Variants in MROH2B observed in about 807,000 individuals in gnomAD.
The protein encoded by MROH2B is maestro heat-like repeat-containing protein family member 2B.
Under a neutral mutation model 208.6 loss-of-function variants are expected in MROH2B, and 177 were observed. The observed-to-expected ratio is 0.85, with a 90% CI of 0.75 to 0.96. MROH2B has a LOEUF of 0.96. MROH2B is among the 40% of genes least tolerant of loss of function. The probability of loss-of-function intolerance (pLI) is 0.00; values close to 1 mark genes in which losing one functional copy is unlikely to be tolerated. For synonymous variants in MROH2B, 728 were observed against 659.0 expected, an observed-to-expected ratio of 1.10 and a Z score of -1.60; for missense variants, 2,002 against 1,878.7, an observed-to-expected ratio of 1.07 and a Z score of -1.21.
In MROH2B at chr5:41,013,230, G is replaced by A. The variant is rs1305882150; in HGVS notation, c.2983-495C>T. Among the ~76,000 whole-genome samples the A allele has an allele frequency of 3.3e-5, 5 of 152,322 alleles. No individual in the cohort carries two copies. The East Asian group carries it at 9.6e-4, about 29-fold the overall frequency. On this transcript the variant is annotated intron_variant, in intron 29 of 41. Transcript: ENST00000399564. The stretch of plus-strand genomic sequence containing the variant: ...GTACATATGGAGTATGGATTATTAT[G>A]AGCCTTGTTTCTTGCTCTTCCATAT...
intron 30 of MROH2B, 71 bp from the exon 31 acceptor site, chr5:41,010,150 A>G (rs925592293): frequency 2.1e-5 from 30 of 1,461,882 alleles, no homozygotes; most frequent in Non-Finnish European, 2.7e-5. Flanking sequence ...CAGAACAGGT[A>G]TCTGTCGTGG....
chr5:41,035,758 C>T (rs1742735732), intron 21 of MROH2B, among the ~76,000 whole-genome samples: 1 of 151,890 alleles, frequency 6.6e-6, no homozygotes, highest in Admixed American at 6.6e-5. Flanking sequence ...AAATCAAACC[C>T]ACAATGAAAT....
chr5:41,033,457 CA>C (rs1196577496), intron 22 of MROH2B, among the ~76,000 whole-genome samples: 6 of 151,974 alleles, frequency 3.9e-5, no homozygotes, highest in Non-Finnish European at 8.8e-5. Flanking sequence ...CTGTATGCCC[CA>C]AATATGTTTA....
intron 9 of MROH2B, among the ~76,000 whole-genome samples, chr5:41,056,410 G>A (rs1743450643): frequency 6.6e-6 from 1 of 152,142 alleles, no homozygotes; most frequent in South Asian, 2.1e-4. Flanking sequence ...GGCCAGTCAG[G>A]AGAGAAGTAG....
intron 11 of MROH2B, among the ~76,000 whole-genome samples, chr5:41,053,626 T>C (rs940669981): frequency 3.9e-5 from 6 of 152,138 alleles, no homozygotes; most frequent in Admixed American, 2.6e-4. Context: ...AGACTCTCAG[T>C]AGTCTACCTA....
chr5:41,049,379 C>G lies in MROH2B; in HGVS notation c.1402G>C (p.Glu468Gln). 1 of 1,613,702 alleles carries G rather than the reference C, an allele frequency of 6.2e-7. No individual in the cohort carries two copies. Among genetic ancestry groups the G allele is most frequent in the South Asian group, 1.1e-5 (1 of 91,064 alleles). Residue 468 changes from glutamate to glutamine, a missense_variant, in exon 14 of 42, where the codon GAG becomes CAG. By Grantham distance (29) the Glu-to-Gln change is conservative. Coordinates refer to ENST00000399564, the MANE Select transcript of MROH2B (RefSeq NM_173489.5). ...ATTCTGATGATACTAAACAGGGGCTCCAGAGCTTCTGTGTATTCTGCAGGT... is the reference window on the plus strand; with the variant it reads ...ATTCTGATGATACTAAACAGGGGCTGCAGAGCTTCTGTGTATTCTGCAGGT... ...VVPAEYTEALEPLFSIIRILI... is the reference protein window; with the variant it reads ...VVPAEYTEALQPLFSIIRILI...
At chr5:41,035,628 A>C (rs981807636) in intron 21 of MROH2B, among the ~76,000 whole-genome samples, 7 of 152,098 alleles carry the variant, frequency 4.6e-5, no homozygotes, top group African/African-American at 1.4e-4. Context: ...ACAAGCAAAG[A>C]AAAAACAACC....
Position 41,061,608 on chromosome 5 carries a change from T to C in MROH2B, c.577A>G (p.Ile193Val), listed in dbSNP as rs1231114483. The change falls in exon 6 of 42, where the codon ATA becomes GTA. Residue 193 changes from isoleucine (I) to valine (V), a missense_variant. Coordinates refer to ENST00000399564, the MANE Select transcript of MROH2B (RefSeq NM_173489.5). ...SDKIFMLFWY[I>V]MEKWAPLASP... ...GCCAAAGGGGCCCACTTCTCCATTA[T>C]ATACCAGAACAGCATGAAGATCTTG... 6.2e-7 allele frequency: 1 copy of C among 1,613,882 alleles called. No homozygotes were observed. The highest frequency in any genetic ancestry group is 8.5e-7 in the Non-Finnish European group (1 of 1,179,820).
intron 24 of MROH2B, among the ~76,000 whole-genome samples, chr5:41,019,611 A>G (rs568447289): frequency 2.7e-4 from 41 of 152,230 alleles, no homozygotes; most frequent in Non-Finnish European, 4.9e-4. Flanking sequence ...AAAAATGCAC[A>G]TGTTCAATAC....
chr5:41,055,124 A>G (rs191534069), intron 10 of MROH2B, among the ~76,000 whole-genome samples: 1 of 152,278 alleles, frequency 6.6e-6, no homozygotes, highest in African/African-American at 2.4e-5. Flanking sequence ...AAATATTGTG[A>G]GACTGCTTCA....
intron 41 of MROH2B, 132 bp downstream of exon 41, chr5:40,998,480 A>G (rs1741280355): frequency 5.5e-6 from 4 of 731,126 alleles, no homozygotes; most frequent in Non-Finnish European, 6.9e-6. Flanking sequence ...TCTAGTGTCT[A>G]GAGAGCATCA....
rs1331894909 is a variant in MROH2B at position 41,000,371 on chromosome 5, G to A, written c.4351-20C>T. 1 of 1,612,570 alleles carries A rather than the reference G, an allele frequency of 6.2e-7. No homozygotes were observed. Among genetic ancestry groups the A allele is most frequent in the Non-Finnish European group, 8.5e-7 (1 of 1,179,334 alleles). Reference sequence around the variant, plus strand: ...GCAAGCCTGGAAAACAGAGTTTTCTGCATCACAGTCCAGAACGTTAGGATC... The same window carrying A: ...GCAAGCCTGGAAAACAGAGTTTTCTACATCACAGTCCAGAACGTTAGGATC... On this transcript the variant is annotated intron_variant, in intron 38 of 41. Transcript: ENST00000399564.
At chr5:41,023,031 A>G (rs1006093928) in intron 24 of MROH2B, among the ~76,000 whole-genome samples, 3 of 152,190 alleles carry the variant, frequency 2.0e-5, no homozygotes, top group Non-Finnish European at 4.4e-5. Flanking sequence ...TCCACACCAA[A>G]ACCCCGTCTG....
rs1378695444 is a variant in MROH2B, at chr5:41,055,645, G to A, written c.1033+97C>T. On this transcript the variant is annotated intron_variant, in intron 10 of 41. Coordinates refer to ENST00000399564, the MANE Select transcript of MROH2B (RefSeq NM_173489.5). ...TTCATTTGCACGTGATGTTATATAA[G>A]CATCCAAAAGACATAGGATAGGATT... 6.2e-6 allele frequency: 5 copies of A among 802,940 alleles called. No individual in the cohort carries two copies. In the South Asian group the frequency reaches 8.4e-5, roughly 14 times the overall value. The allele number at this position is 802,940 out of a possible 1,614,324, so 49.7% of individuals were successfully genotyped here.
chr5:41,042,049 G>T, intron 19 of MROH2B, 43 bp downstream of exon 19: 1 of 1,124,434 alleles, frequency 8.9e-7, no homozygotes, highest in Non-Finnish European at 1.3e-6. Context: ...GATTAGTTGT[G>T]TTGTTATCAT....
intron 37 of MROH2B, among the ~76,000 whole-genome samples, chr5:41,001,154 A>G (rs1741385881): frequency 6.6e-6 from 1 of 152,192 alleles, no homozygotes; most frequent in South Asian, 2.1e-4. Flanking sequence ...TCATAGAGAA[A>G]GCCAGGGAGG....
chr5:41,038,057 A>G (rs1279746766), intron 21 of MROH2B, among the ~76,000 whole-genome samples: 1 of 152,206 alleles, frequency 6.6e-6, no homozygotes, highest in African/African-American at 2.4e-5. Context: ...AAGGAGGGTC[A>G]GGTTGGCTGG....
At position 41,004,894 on chromosome 5, in the gene MROH2B, C is replaced by T; in HGVS notation, c.3891G>A (p.Lys1297=). Residue 1297 remains lysine (K), a synonymous_variant, in exon 36 of 42, where the codon AAG becomes AAA. Coordinates refer to ENST00000399564, the MANE Select transcript of MROH2B (RefSeq NM_173489.5). ...TCAGCACATTTCGCAGATTCCCATGCTTCCAAAGGATTGGTTCCTTCATGA... is the reference window on the plus strand; with the variant it reads ...TCAGCACATTTCGCAGATTCCCATGTTTCCAAAGGATTGGTTCCTTCATGA... ...SELMKEPILW[K]HGNLRNVLIL... The T allele has an allele frequency of 6.2e-7, 1 of 1,613,962 alleles. No individual in the cohort carries two copies. The highest frequency in any genetic ancestry group is 8.5e-7 in the Non-Finnish European group (1 of 1,179,854).
chr5:41,033,115 C>T lies in MROH2B; in HGVS notation c.2287G>A (p.Gly763Ser), dbSNP rs1742631337. 1 of 1,612,892 alleles carries T rather than the reference C, an allele frequency of 6.2e-7. No individual in the cohort carries two copies. The highest frequency in any genetic ancestry group is 8.5e-7 in the Non-Finnish European group (1 of 1,179,270). The change falls in exon 23 of 42, where the codon GGC becomes AGC. Residue 763 changes from glycine to serine, a missense_variant. By Grantham distance (56) the Gly-to-Ser change is moderately conservative. Coordinates refer to ENST00000399564, the MANE Select transcript of MROH2B (RefSeq NM_173489.5). ...MSFTRSITEIGIAVQDAEDQG... is the reference protein window; with the variant it reads ...MSFTRSITEISIAVQDAEDQG... ...TCCTCAGCATCTTGGACAGCAATGCCAATCTCAGTGATGCTTCTTGTGAAA... is the reference window on the plus strand; with the variant it reads ...TCCTCAGCATCTTGGACAGCAATGCTAATCTCAGTGATGCTTCTTGTGAAA...
Sources: gnomAD v4.1 joint callset for allele counts (sites outside exome capture counted in the v4.1 genomes callset) on GRCh38, gnomAD v4.1.1 for gene constraint, MANE v1.5 for transcripts, NCBI Gene and HGNC (gene_info 2026-07-23, HGNC 2026-07-21) for gene names.